CNTNAP2: variants seen among roughly 807,000 people sequenced by gnomAD.
CNTNAP2 encodes the protein contactin associated protein 2.
A neutral mutation model predicts 155.2 loss-of-function variants in CNTNAP2; 98 were observed. The observed-to-expected ratio is 0.63, with a 90% CI of 0.54 to 0.75. The LOEUF (loss-of-function observed/expected upper bound fraction) is 0.75. Among genes scored for constraint, CNTNAP2 ranks in the 30% least tolerant of loss-of-function variants. The pLI is 0.00. For missense variants in CNTNAP2, 1,727 were observed against 1,688.1 expected (o/e 1.02, Z -0.40); for synonymous variants, 651 against 631.2 (o/e 1.03, Z -0.47).
At chr7:147,872,357 A>G (rs1016124661) in intron 13 of CNTNAP2, among the ~76,000 whole-genome samples, 1 of 152,228 alleles carries the variant, frequency 6.6e-6, no homozygotes, top group Non-Finnish European at 1.5e-5. Flanking sequence ...TCACTAGAAA[A>G]CTACAGAACC....
intron 2 of CNTNAP2, among the ~76,000 whole-genome samples, chr7:146,824,862 G>GTTT (rs370961669): frequency 7.1e-4 from 102 of 143,660 alleles, no homozygotes; most frequent in African/African-American, 2.4e-3. Context: ...TTTTGGACCT[G>GTTT]TTTTTTTTTT....
At chr7:148,098,245 A>G (rs1299713251) in intron 15 of CNTNAP2, among the ~76,000 whole-genome samples, 2 of 152,016 alleles carry the variant, frequency 1.3e-5, no homozygotes, top group Non-Finnish European at 2.9e-5. Context: ...GGAGATCGAG[A>G]CCATCCTGGC....
At position 148,162,408 on chromosome 7, in the gene CNTNAP2, C is replaced by T. The variant is rs144582742; in HGVS notation, c.2774-9834C>T. Among the ~76,000 whole-genome samples, 244 of 152,286 alleles carry T rather than the reference C, an allele frequency of 1.6e-3. 2 individuals are homozygous for T. Among genetic ancestry groups the T allele is most frequent in the African/African-American group, 5.7e-3 (236 of 41,550 alleles). On this transcript the variant is annotated intron_variant, in intron 17 of 23. Transcript: ENST00000361727. ...AAAATATCCCCACTTTCAGATGCAA[C>T]TTGGAACTGTAGGTCCCACAGTAAA...
At chr7:146,928,444 C>T (rs749407130) in intron 3 of CNTNAP2, among the ~76,000 whole-genome samples, 58 of 152,034 alleles carry the variant, frequency 3.8e-4, no homozygotes, top group Non-Finnish European at 2.9e-4. Context: ...TTGTTCAATT[C>T]GGGACTCGCA....
intron 13 of CNTNAP2, chr7:147,672,798 CTTAG>C (rs1795809530): frequency 6.6e-6 from 1 of 152,028 alleles, no homozygotes; most frequent in Non-Finnish European, 1.5e-5. Context: ...CAAGACGATT[CTTAG>C]TTGCACTGAT....
intron 9 of CNTNAP2, among the ~76,000 whole-genome samples, chr7:147,389,297 TCCA>T (rs1329943697): frequency 1.3e-5 from 2 of 152,144 alleles, no homozygotes; most frequent in African/African-American, 4.8e-5. Flanking sequence ...CTTAAAGCAT[TCCA>T]CCAGCCTCCC....
chr7:147,043,811 C>A, intron 3 of CNTNAP2, 96 bp from the exon 4 acceptor site: 1 of 1,413,198 alleles, frequency 7.1e-7, no homozygotes, highest in South Asian at 1.2e-5. Context: ...ACAAGCCCTA[C>A]CATTGGATGA....
Position 146,889,949 on chromosome 7 carries a change from G to C in CNTNAP2, c.402+50045G>C, listed in dbSNP as rs138542048. The stretch of plus-strand genomic sequence containing the variant: ...TCTCCAGGCAGGCATTTTCTTTCTC[G>C]TCCTCATTAGGAGCTCTCAGGTGCC... On this transcript the variant is annotated intron_variant, in intron 3 of 23. Transcript: ENST00000361727. Among the ~76,000 whole-genome samples the C allele has an allele frequency of 7.5e-3, 1,134 of 151,988 alleles. 10 individuals are homozygous for C. The highest frequency in any genetic ancestry group is 0.026 in the African/African-American group (1,063 of 41,458).
chr7:147,264,641 G>C (rs1049000544), intron 8 of CNTNAP2, among the ~76,000 whole-genome samples: 1 of 150,412 alleles, frequency 6.6e-6, no homozygotes, highest in Non-Finnish European at 1.5e-5. Context: ...GCCTGACGGG[G>C]CCAGCCTGGA....
intron 18 of CNTNAP2, among the ~76,000 whole-genome samples, chr7:148,181,813 A>G (rs1427122023): frequency 8.5e-6 from 1 of 117,300 alleles, no homozygotes; most frequent in Admixed American, 1.2e-4. Flanking sequence ...GCTGGAGTTC[A>G]GTGGCACAAA....
At chr7:146,124,348 C>G (rs1584760457) in intron 1 of CNTNAP2, among the ~76,000 whole-genome samples, 1 of 152,092 alleles carries the variant, frequency 6.6e-6, no homozygotes, top group African/African-American at 2.4e-5. Flanking sequence ...TCACTGTTAA[C>G]TGATTTTTTC....
At position 146,143,201 on chromosome 7, in the gene CNTNAP2, C is replaced by A. The variant is rs73739305; in HGVS notation, c.97+26228C>A. ...GCTGTTTGACTTTTCAAATTTCCTT[C>A]CAAATTGAAAACTCAAGACATTTTT... is the stretch of plus-strand genomic sequence containing the variant. On this transcript the variant is annotated intron_variant, in intron 1 of 23. Coordinates refer to ENST00000361727, the MANE Select transcript of CNTNAP2 (RefSeq NM_014141.6). Among the ~76,000 whole-genome samples the A allele has an allele frequency of 4.2e-3, 644 of 152,232 alleles. 2 individuals carry two copies. Among genetic ancestry groups the A allele is most frequent in the African/African-American group, 0.015 (616 of 41,544 alleles).
intron 8 of CNTNAP2, among the ~76,000 whole-genome samples, chr7:147,299,809 C>A (rs116718634): frequency 0.011 from 1,639 of 152,270 alleles, 28 homozygotes; most frequent in African/African-American, 0.037. Context: ...TGGCTGGATG[C>A]AGTGGCTCAC....
In CNTNAP2 at chr7:147,930,851, A is replaced by G. The variant is rs370059838; in HGVS notation, c.2255+27130A>G. On this transcript the variant is annotated intron_variant, in intron 14 of 23. Coordinates refer to ENST00000361727, the MANE Select transcript of CNTNAP2 (RefSeq NM_014141.6). ...AAAATCATACCAGGTATCTTTTCTGATCACAATGGAATGAAATCAAAAATA... is the reference window on the plus strand; with the variant it reads ...AAAATCATACCAGGTATCTTTTCTGGTCACAATGGAATGAAATCAAAAATA... Among the ~76,000 whole-genome samples the G allele has an allele frequency of 3.9e-5, 6 of 152,334 alleles. No homozygotes were observed. In the East Asian group the frequency reaches 1.2e-3, roughly 29 times the overall value.
At chr7:148,029,990 T>C (rs1802444166) in intron 15 of CNTNAP2, among the ~76,000 whole-genome samples, 1 of 152,230 alleles carries the variant, frequency 6.6e-6, no homozygotes. Flanking sequence ...CTTAATATCA[T>C]ACTCTCTGGT....
At chr7:146,166,898 G>C (rs1798319583) in intron 1 of CNTNAP2, among the ~76,000 whole-genome samples, 1 of 152,164 alleles carries the variant, frequency 6.6e-6, no homozygotes, top group Non-Finnish European at 1.5e-5. Flanking sequence ...TCTGGTCCAA[G>C]AGCTGTGAAA....
chr7:147,210,713 G>T (rs1404750645), intron 8 of CNTNAP2, among the ~76,000 whole-genome samples: 1 of 151,784 alleles, frequency 6.6e-6, no homozygotes, highest in African/African-American at 2.4e-5. Flanking sequence ...CTAATTTTTT[G>T]AGGTAAGTTT....
At chr7:146,715,952 T>C (rs1801179683) in intron 1 of CNTNAP2, among the ~76,000 whole-genome samples, 1 of 151,936 alleles carries the variant, frequency 6.6e-6, no homozygotes, top group Admixed American at 6.6e-5. Context: ...AGTCACAGTG[T>C]TGGATCTCAG....
chr7:146,516,066 T>C (rs1321973270), intron 1 of CNTNAP2, among the ~76,000 whole-genome samples: 3 of 151,982 alleles, frequency 2.0e-5, no homozygotes, highest in Admixed American at 1.3e-4. Context: ...TATGCATTGA[T>C]CTATACATGA....
Sources: gnomAD v4.1 joint callset for allele counts (sites outside exome capture counted in the v4.1 genomes callset) on GRCh38, gnomAD v4.1.1 for gene constraint, MANE v1.5 for transcripts, NCBI Gene and HGNC (gene_info 2026-07-23, HGNC 2026-07-21) for gene names.